RORA: variants seen among roughly 807,000 people sequenced by gnomAD.
RORA encodes the protein RAR related orphan receptor A.
RORA carries 7 observed loss-of-function variants against 69.5 expected under a neutral mutation model. That is an observed-to-expected ratio of 0.10 (90% CI 0.06 to 0.19). RORA has a LOEUF of 0.19. Among genes scored for constraint, RORA ranks in the 10% least tolerant of loss-of-function variants. The probability of loss-of-function intolerance (pLI) is 1.00; values close to 1 mark genes in which losing one functional copy is unlikely to be tolerated. For synonymous variants in RORA, 261 were observed against 240.8 expected, an observed-to-expected ratio of 1.08 and a Z score of -0.78; for missense variants, 457 against 663.0, an observed-to-expected ratio of 0.69 and a Z score of 3.41.
intron 1 of RORA, among the ~76,000 whole-genome samples, chr15:60,786,410 G>A (rs1192707720): frequency 6.6e-6 from 1 of 152,216 alleles, no homozygotes; most frequent in African/African-American, 2.4e-5. Flanking sequence ...TCTACAAAGA[G>A]TCTTGAGCCT....
intron 1 of RORA, among the ~76,000 whole-genome samples, chr15:61,092,998 T>C (rs760268632): frequency 7.9e-5 from 12 of 152,074 alleles, no homozygotes; most frequent in Non-Finnish European, 1.5e-4. Flanking sequence ...AGCCCTCTTG[T>C]TTAAACACTC....
chr15:60,718,757 C>T (rs1356600187), intron 1 of RORA, among the ~76,000 whole-genome samples: 1 of 152,132 alleles, frequency 6.6e-6, no homozygotes, highest in Non-Finnish European at 1.5e-5. Flanking sequence ...ATGAGGAAGT[C>T]ATTAATATGT....
intron 1 of RORA, among the ~76,000 whole-genome samples, chr15:61,177,345 C>T (rs1248403740): frequency 2.0e-5 from 3 of 152,116 alleles, no homozygotes; most frequent in Non-Finnish European, 4.4e-5. Flanking sequence ...GGGCTTTTCA[C>T]CCGAGACGTT....
intron 2 of RORA, among the ~76,000 whole-genome samples, chr15:60,652,451 G>A (rs1220793427): frequency 6.6e-6 from 1 of 152,158 alleles, no homozygotes; most frequent in Non-Finnish European, 1.5e-5. Context: ...CTCTGTGACA[G>A]GTTTTGCGCA....
chr15:60,556,724 G>A (rs904887714), intron 2 of RORA: 10 of 711,162 alleles, frequency 1.4e-5, no homozygotes, highest in African/African-American at 8.9e-5. Context: ...GGAAGTTCAC[G>A]GCTTCCCCTT....
At chr15:60,701,544 C>T (rs1490664631) in intron 1 of RORA, among the ~76,000 whole-genome samples, 1 of 152,220 alleles carries the variant, frequency 6.6e-6, no homozygotes, top group Non-Finnish European at 1.5e-5. Flanking sequence ...TCCCCTGTAA[C>T]TGTGAGAATG....
chr15:60,663,605 G>A (rs940266492), intron 2 of RORA, among the ~76,000 whole-genome samples: 9 of 152,098 alleles, frequency 5.9e-5, no homozygotes, highest in African/African-American at 1.4e-4. Flanking sequence ...ACAGGCATAC[G>A]CCACCATACC....
chr15:60,794,431 T>C (rs2072461412), intron 1 of RORA, among the ~76,000 whole-genome samples: 1 of 152,196 alleles, frequency 6.6e-6, no homozygotes, highest in South Asian at 2.1e-4. Flanking sequence ...GGCTTTTAGA[T>C]AGATTTGAAC....
chr15:60,501,193 G>A, intron 8 of RORA, 124 bp from the exon 9 acceptor site: 4 of 635,772 alleles, frequency 6.3e-6, no homozygotes, highest in Non-Finnish European at 8.5e-6. Context: ...AAAACATGGG[G>A]AAGGTGAAGA....
chr15:61,202,212 A>G (rs2079901870), intron 1 of RORA, among the ~76,000 whole-genome samples: 2 of 151,994 alleles, frequency 1.3e-5, no homozygotes, highest in Non-Finnish European at 2.9e-5. Context: ...GGGTTTCACC[A>G]TGTTCATCAG....
At chr15:61,083,801 T>C (rs2078580855) in intron 1 of RORA, among the ~76,000 whole-genome samples, 1 of 151,718 alleles carries the variant, frequency 6.6e-6, no homozygotes, top group Non-Finnish European at 1.5e-5. Flanking sequence ...GAAGATGGAA[T>C]ACGTAGGCTT....
At chr15:60,900,861 G>A (rs1171565780) in intron 1 of RORA, among the ~76,000 whole-genome samples, 1 of 151,680 alleles carries the variant, frequency 6.6e-6, no homozygotes, top group Admixed American at 6.6e-5. Context: ...GACAGAGGAA[G>A]ACTCCATCTC....
chr15:61,028,610 T>C (rs1474651381), intron 1 of RORA, among the ~76,000 whole-genome samples: 1 of 152,158 alleles, frequency 6.6e-6, no homozygotes, highest in Non-Finnish European at 1.5e-5. Flanking sequence ...CCATGACAAA[T>C]GCTAGCAAGG....
chr15:60,642,306 A>G (rs2140677434), intron 2 of RORA, among the ~76,000 whole-genome samples: 1 of 152,314 alleles, frequency 6.6e-6, no homozygotes, highest in African/African-American at 2.4e-5. Flanking sequence ...ATAGTTGTCA[A>G]TTACTGGGAC....
intron 1 of RORA, among the ~76,000 whole-genome samples, chr15:60,920,398 T>C (rs1206459301): frequency 6.6e-6 from 1 of 152,210 alleles, no homozygotes; most frequent in Non-Finnish European, 1.5e-5. Flanking sequence ...TTTGAACCTA[T>C]GCCCATTTGT....
chr15:60,770,594 G>C (rs2072059027), intron 1 of RORA, among the ~76,000 whole-genome samples: 1 of 152,154 alleles, frequency 6.6e-6, no homozygotes, highest in African/African-American at 2.4e-5. Context: ...TAGGATGAGT[G>C]AGGTTTCGTG....
At chr15:60,852,522 G>A (rs769058749) in intron 1 of RORA, among the ~76,000 whole-genome samples, 4 of 152,170 alleles carry the variant, frequency 2.6e-5, no homozygotes, top group Non-Finnish European at 4.4e-5. Context: ...CTGGCACACC[G>A]TAGGTGCTTA....
chr15:60,724,394 C>A (rs2071331408), intron 1 of RORA, among the ~76,000 whole-genome samples: 1 of 152,094 alleles, frequency 6.6e-6, no homozygotes, highest in Admixed American at 6.6e-5. Flanking sequence ...GAAAACGAAG[C>A]ACAGAGAGCT....
At chr15:61,019,588 G>A (rs996707649) in intron 1 of RORA, among the ~76,000 whole-genome samples, 5 of 151,964 alleles carry the variant, frequency 3.3e-5, no homozygotes, top group Admixed American at 2.0e-4. Context: ...GGGTTGTTCT[G>A]GGCTGGAAAA....
Sources: gnomAD v4.1 joint callset for allele counts (sites outside exome capture counted in the v4.1 genomes callset) on GRCh38, gnomAD v4.1.1 for gene constraint, MANE v1.5 for transcripts, NCBI Gene and HGNC (gene_info 2026-07-23, HGNC 2026-07-21) for gene names.